The following PRKG1 variants were observed in gnomAD, a reference collection of about 807,000 sequenced individuals.
PRKG1 encodes protein kinase cGMP-dependent 1.
PRKG1 carries 35 observed loss-of-function variants against 88.1 expected under a neutral mutation model. That is an observed-to-expected ratio of 0.40 (90% confidence interval 0.30 to 0.53). The LOEUF is 0.53. PRKG1 is among the 20% of genes least tolerant of loss of function. PRKG1 has a pLI of 0.59. For missense variants in PRKG1, 540 were observed against 839.8 expected (o/e 0.64, Z 4.41); for synonymous variants, 303 against 292.5 (o/e 1.04, Z -0.37).
Position 51,278,896 on chromosome 10 carries a change from A to G in PRKG1, c.478+125566A>G, listed in dbSNP as rs544290219. 7.9e-5 allele frequency among the ~76,000 whole-genome samples: 12 copies of G among 152,216 alleles called. No individual in the cohort carries two copies. The South Asian group carries it at 2.5e-3, about 32-fold the overall frequency. ...TCAATCAATTTTATTGATCTTTTCA[A>G]AAAACCAGCTCCTGGATTCATTGAT... On this transcript the variant is annotated intron_variant, in intron 2 of 17. Coordinates refer to ENST00000373980, the MANE Select transcript of PRKG1 (RefSeq NM_006258.4).
At chr10:51,425,346 T>G (rs538740107) in intron 2 of PRKG1, among the ~76,000 whole-genome samples, 4 of 152,326 alleles carry the variant, frequency 2.6e-5, no homozygotes, top group African/African-American at 9.6e-5. Flanking sequence ...AATCAATGTT[T>G]TGTCTTTCAT....
At chr10:51,807,645 C>G (rs992501971) in intron 4 of PRKG1, among the ~76,000 whole-genome samples, 1 of 152,150 alleles carries the variant, frequency 6.6e-6, no homozygotes, top group African/African-American at 2.4e-5. Context: ...CAAGGCTTGT[C>G]TGTTGAGATT....
At chr10:51,295,198 T>C (rs1840688228) in intron 2 of PRKG1, among the ~76,000 whole-genome samples, 1 of 152,222 alleles carries the variant, frequency 6.6e-6, no homozygotes, top group Non-Finnish European at 1.5e-5. Flanking sequence ...TAATAGCTAT[T>C]ACACCAAATC....
In PRKG1 at chr10:52,256,186, T is replaced by C. The variant is rs988841820; in HGVS notation, c.1173+4520T>C. 2.6e-4 allele frequency among the ~76,000 whole-genome samples: 36 copies of C among 139,758 alleles called. 2 individuals are homozygous for C. Among genetic ancestry groups the C allele is most frequent in the African/African-American group, 8.4e-4 (34 of 40,456 alleles). 91.7% of individuals were successfully genotyped at this position (139,758 alleles called of 152,430 possible). ...TCAAACAAGTGTTACTTCATTGTTA[T>C]ATGTACACCTTTGCTTTAAAAAAAT... On this transcript the variant is annotated intron_variant, in intron 10 of 17. Transcript: ENST00000373980.
chr10:51,917,379 T>G (rs1241313533), intron 5 of PRKG1, among the ~76,000 whole-genome samples: 1 of 151,856 alleles, frequency 6.6e-6, no homozygotes, highest in African/African-American at 2.4e-5. Flanking sequence ...ATTCTAAAAT[T>G]TGATGGTGAC....
intron 2 of PRKG1, among the ~76,000 whole-genome samples, chr10:51,175,806 T>G (rs577148763): frequency 2.7e-4 from 41 of 152,250 alleles, no homozygotes; most frequent in Admixed American, 5.2e-4. Context: ...ATTCTAGTGA[T>G]GATGGCCAGC....
At chr10:52,195,612 A>G (rs995690873) in intron 9 of PRKG1, among the ~76,000 whole-genome samples, 2 of 152,002 alleles carry the variant, frequency 1.3e-5, no homozygotes, top group Admixed American at 6.5e-5. Context: ...CTTATTTACA[A>G]CTCTTCAAAA....
chr10:51,471,858 A>G (rs1285643214), intron 3 of PRKG1, among the ~76,000 whole-genome samples: 2 of 151,890 alleles, frequency 1.3e-5, no homozygotes, highest in Non-Finnish European at 2.9e-5. Flanking sequence ...TGGTCAATAT[A>G]ATCACCACAG....
At chr10:52,016,044 C>T (rs1036949767) in intron 5 of PRKG1, among the ~76,000 whole-genome samples, 1 of 152,196 alleles carries the variant, frequency 6.6e-6, no homozygotes, top group Non-Finnish European at 1.5e-5. Flanking sequence ...GTCTTCTGAG[C>T]CTTCCAAACT....
At chr10:51,369,844 C>T (rs1037092222) in intron 2 of PRKG1, among the ~76,000 whole-genome samples, 1 of 151,908 alleles carries the variant, frequency 6.6e-6, no homozygotes, top group East Asian at 1.9e-4. Context: ...AGAAAAAGAA[C>T]GCCCATGAAA....
intron 9 of PRKG1, among the ~76,000 whole-genome samples, chr10:52,207,189 C>T (rs964658250): frequency 1.3e-5 from 2 of 152,054 alleles, no homozygotes; most frequent in Non-Finnish European, 2.9e-5. Flanking sequence ...ACTTGCATGC[C>T]CTGGAAAAAC....
At chr10:51,599,264 C>T (rs1253377597) in intron 3 of PRKG1, among the ~76,000 whole-genome samples, 27 of 152,112 alleles carry the variant, frequency 1.8e-4, no homozygotes, top group Admixed American at 1.7e-3. Flanking sequence ...TTGGGTGTTA[C>T]TCATGTCTAG....
At chr10:51,978,165 CT>C (rs1843896088) in intron 5 of PRKG1, among the ~76,000 whole-genome samples, 3 of 151,758 alleles carry the variant, frequency 2.0e-5, no homozygotes, top group African/African-American at 7.3e-5. Context: ...TCTGCTGTGA[CT>C]AGCTAGTTAT....
chr10:51,947,544 C>T (rs1025855980), intron 5 of PRKG1, among the ~76,000 whole-genome samples: 9 of 152,170 alleles, frequency 5.9e-5, no homozygotes, highest in Non-Finnish European at 1.0e-4. Flanking sequence ...AGAAATCACC[C>T]GTCTTCTGCG....
chr10:51,186,125 T>C (rs187487708), intron 2 of PRKG1, among the ~76,000 whole-genome samples: 4 of 152,078 alleles, frequency 2.6e-5, no homozygotes, highest in African/African-American at 9.6e-5. Flanking sequence ...CTACATTTTT[T>C]CCTTTGAATT....
chr10:51,297,918 C>A (rs1220388114), intron 2 of PRKG1, among the ~76,000 whole-genome samples: 1 of 152,058 alleles, frequency 6.6e-6, no homozygotes, highest in African/African-American at 2.4e-5. Flanking sequence ...TTAACCCTAA[C>A]AATGAGGGAT....
chr10:51,217,877 G>T lies in PRKG1; in HGVS notation c.478+64547G>T, dbSNP rs112604852. ...TTATTTTTGTAAAATAATTTCCAAGGATTTCTTTAGAGTTTCTCTGCAAGG... is the reference window on the plus strand; with the variant it reads ...TTATTTTTGTAAAATAATTTCCAAGTATTTCTTTAGAGTTTCTCTGCAAGG... On this transcript the variant is annotated intron_variant, in intron 2 of 17. Coordinates refer to ENST00000373980, the MANE Select transcript of PRKG1 (RefSeq NM_006258.4). Among the ~76,000 whole-genome samples, 561 of 152,100 alleles carry T rather than the reference G, an allele frequency of 3.7e-3. 3 individuals are homozygous for T. The highest frequency in any genetic ancestry group is 0.012 in the African/African-American group (490 of 41,538).
At chr10:51,957,449 G>A (rs1215339214) in intron 5 of PRKG1, among the ~76,000 whole-genome samples, 3 of 151,588 alleles carry the variant, frequency 2.0e-5, no homozygotes, top group East Asian at 1.9e-4. Flanking sequence ...ATGCCACCAT[G>A]CACGGCTAAT....
chr10:52,036,670 G>C (rs1333495687), intron 5 of PRKG1, among the ~76,000 whole-genome samples: 1 of 151,996 alleles, frequency 6.6e-6, no homozygotes, highest in East Asian at 1.9e-4. Flanking sequence ...GAAGAAGGGC[G>C]GCAATGAGAT....
Sources: allele counts gnomAD v4.1 joint callset (sites outside exome capture counted in the v4.1 genomes callset), GRCh38; gene constraint gnomAD v4.1.1; transcripts MANE v1.5; gene names NCBI Gene and HGNC (gene_info 2026-07-23, HGNC 2026-07-21).